Variants in PPFIA2 observed in about 807,000 individuals in gnomAD.
PPFIA2 encodes PPFI scaffold protein A2, also known as liprin-alpha-2.
A neutral mutation model predicts 175.5 loss-of-function variants in PPFIA2; 46 were observed. The ratio of observed to expected loss-of-function variants is 0.26; its 90% confidence interval spans 0.21 to 0.34. The LOEUF is 0.34. Ranked by LOEUF, PPFIA2 falls within the 10% of genes least tolerant of loss-of-function variation. The probability of loss-of-function intolerance (pLI) is 1.00; values close to 1 mark genes in which losing one functional copy is unlikely to be tolerated. For synonymous variants in PPFIA2, 568 were observed against 511.4 expected (o/e 1.11, Z -1.49); for missense variants, 1,179 against 1,506.1 (o/e 0.78, Z 3.60).
rs2036249071 is a variant in PPFIA2 at position 81,263,400 on chromosome 12, C to G, written c.3556-10G>C. 3 of 1,610,822 alleles carry G rather than the reference C, an allele frequency of 1.9e-6. No homozygotes were observed. Among genetic ancestry groups the G allele is most frequent in the Non-Finnish European group, 2.5e-6 (3 of 1,177,240 alleles). On this transcript the variant is annotated splice_polypyrimidine_tract_variant and intron_variant, in intron 30 of 32. Coordinates refer to ENST00000549396, the MANE Select transcript of PPFIA2 (RefSeq NM_003625.5). ...AGTTCTTGTCATCACTCTGCCAGTA[C>G]AGTTATAAGGTGATGTTATGAAAAC...
intron 7 of PPFIA2, among the ~76,000 whole-genome samples, chr12:81,414,097 AT>A (rs1382224499): frequency 2.0e-5 from 3 of 151,806 alleles, no homozygotes; most frequent in Non-Finnish European, 4.4e-5. Context: ...CAGAGGAAAT[AT>A]GTAATATACT....
rs142616295 is a variant in PPFIA2 at position 81,528,631 on chromosome 12, T to C, written c.304-70765A>G. ...ATTTAAGTTCACGAATTTATAAATA[T>C]ATTTACTAATAAATACACAGAAAAA... is the stretch of plus-strand genomic sequence containing the variant. On this transcript the variant is annotated intron_variant, in intron 4 of 32. Transcript: ENST00000549396. 7.6e-3 allele frequency among the ~76,000 whole-genome samples: 1,162 copies of C among 152,202 alleles called. 14 individuals are homozygous for C. Among genetic ancestry groups the C allele is most frequent in the African/African-American group, 0.026 (1,069 of 41,538 alleles).
chr12:81,301,121 G>C (rs898887338), intron 22 of PPFIA2, among the ~76,000 whole-genome samples: 3 of 152,040 alleles, frequency 2.0e-5, no homozygotes, highest in Admixed American at 6.6e-5. Context: ...CAATGGAGCT[G>C]GCTTCGAAGG....
chr12:81,516,850 C>G (rs1248214702), intron 4 of PPFIA2, among the ~76,000 whole-genome samples: 2 of 152,102 alleles, frequency 1.3e-5, no homozygotes, highest in Non-Finnish European at 2.9e-5. Flanking sequence ...TGTGCCCATT[C>G]TTATGTTAAC....
Position 81,432,996 on chromosome 12 carries a change from C to A in PPFIA2, c.645+6976G>T, listed in dbSNP as rs1391803017. On this transcript the variant is annotated intron_variant, in intron 7 of 32. Transcript: ENST00000549396. Reference sequence around the variant, plus strand: ...ACAAAAAAAACCACACAAAAACATACCTTTAATGGTTTTCACTTTAACAAA... The same window carrying A: ...ACAAAAAAAACCACACAAAAACATAACTTTAATGGTTTTCACTTTAACAAA... Among the ~76,000 whole-genome samples the A allele has an allele frequency of 2.7e-5, 4 of 150,850 alleles. No homozygotes were observed. The East Asian group carries it at 5.9e-4, about 22-fold the overall frequency.
At chr12:81,637,103 C>G (rs2064172376) in intron 4 of PPFIA2, among the ~76,000 whole-genome samples, 1 of 150,244 alleles carries the variant, frequency 6.7e-6, no homozygotes, top group Admixed American at 6.6e-5. Flanking sequence ...GAGTTTCACT[C>G]TTGTTGCCCA....
intron 4 of PPFIA2, among the ~76,000 whole-genome samples, chr12:81,515,272 A>G (rs1164019634): frequency 6.6e-6 from 1 of 151,974 alleles, no homozygotes; most frequent in Non-Finnish European, 1.5e-5. Context: ...TACATGTACC[A>G]AAGAGTAAAT....
At chr12:81,354,273 C>G (rs1371623509) in intron 16 of PPFIA2, among the ~76,000 whole-genome samples, 1 of 152,156 alleles carries the variant, frequency 6.6e-6, no homozygotes, top group African/African-American at 2.4e-5. Flanking sequence ...GCATTTAACC[C>G]AGAGTAGAAC....
At chr12:81,587,726 T>C (rs1408022862) in intron 4 of PPFIA2, among the ~76,000 whole-genome samples, 1 of 151,972 alleles carries the variant, frequency 6.6e-6, no homozygotes, top group East Asian at 1.9e-4. Flanking sequence ...TCAAAGCACT[T>C]CTGTTTATCT....
intron 4 of PPFIA2, among the ~76,000 whole-genome samples, chr12:81,573,471 C>T (rs973128871): frequency 6.6e-6 from 1 of 151,924 alleles, no homozygotes; most frequent in African/African-American, 2.4e-5. Context: ...TCTTCTGCTT[C>T]TCAAACCACA....
At chr12:81,643,942 AC>A (rs1430738995) in intron 4 of PPFIA2, among the ~76,000 whole-genome samples, 1 of 151,974 alleles carries the variant, frequency 6.6e-6, no homozygotes, top group African/African-American at 2.4e-5. Context: ...ATAGCAACAA[AC>A]TTTTCCCCAA....
chr12:81,279,940 G>A (rs1169511151), intron 27 of PPFIA2, among the ~76,000 whole-genome samples: 1 of 152,000 alleles, frequency 6.6e-6, no homozygotes, highest in African/African-American at 2.4e-5. Context: ...TAAAAAATGA[G>A]GTGCTCAACA....
At chr12:81,443,845 C>CTT (rs1183160145) in intron 6 of PPFIA2, among the ~76,000 whole-genome samples, 948 of 71,220 alleles carry the variant, frequency 0.013, 184 homozygotes, top group African/African-American at 0.021. Context: ...GCCAACCTTT[C>CTT]TTTTTTTTTT....
chr12:81,454,756 C>T (rs536580215), intron 5 of PPFIA2, among the ~76,000 whole-genome samples: 11 of 152,096 alleles, frequency 7.2e-5, no homozygotes, highest in Admixed American at 6.5e-4. Flanking sequence ...CATATCCTAA[C>T]TACTCGATGT....
At chr12:81,643,187 T>G (rs1035104775) in intron 4 of PPFIA2, among the ~76,000 whole-genome samples, 1 of 151,526 alleles carries the variant, frequency 6.6e-6, no homozygotes, top group African/African-American at 2.4e-5. Flanking sequence ...CATTCAACAC[T>G]CAATTCAGTT....
At chr12:81,365,694 G>T (rs7303277) in intron 14 of PPFIA2, among the ~76,000 whole-genome samples, 53,274 of 151,410 alleles carry the variant, frequency 0.35, 10,144 homozygotes, top group East Asian at 0.53. Context: ...CTACCTTTAT[G>T]AAGATCATAT....
intron 8 of PPFIA2, among the ~76,000 whole-genome samples, chr12:81,388,656 AT>A (rs1400811256): frequency 6.6e-6 from 1 of 152,078 alleles, no homozygotes; most frequent in Non-Finnish European, 1.5e-5. Context: ...ACATTAATAC[AT>A]TTGCTTAAAA....
chr12:81,711,416 A>G (rs1321281397), intron 3 of PPFIA2, among the ~76,000 whole-genome samples: 2 of 151,386 alleles, frequency 1.3e-5, no homozygotes, highest in Non-Finnish European at 2.9e-5. Context: ...CATGCATTGT[A>G]AATCCCCATA....
chr12:81,750,380 C>T (rs766080527), intron 3 of PPFIA2, among the ~76,000 whole-genome samples: 3 of 143,146 alleles, frequency 2.1e-5, no homozygotes, highest in Non-Finnish European at 4.7e-5. Flanking sequence ...TTAAGAGGTA[C>T]AAAAAGTGTG....
Sources: gnomAD v4.1 joint callset for allele counts (sites outside exome capture counted in the v4.1 genomes callset) on GRCh38, gnomAD v4.1.1 for gene constraint, MANE v1.5 for transcripts, NCBI Gene and HGNC (gene_info 2026-07-23, HGNC 2026-07-21) for gene names.